The following STK40 variants were observed in gnomAD, a reference collection of about 807,000 sequenced individuals.
STK40 encodes the protein serine/threonine kinase 40, also known as serine/threonine-protein kinase 40.
In STK40, 13 loss-of-function variants were observed where a neutral mutation model predicts 47.9. The ratio of observed to expected loss-of-function variants is 0.27; its 90% confidence interval spans 0.18 to 0.43. STK40 has a LOEUF of 0.43. STK40 is among the 20% of genes least tolerant of loss of function. STK40 has a pLI of 1.00. For missense variants in STK40, 460 were observed against 595.1 expected (o/e 0.77, Z 2.36); for synonymous variants, 225 against 243.2 (o/e 0.93, Z 0.69).
At chr1:36,359,743 C>G (rs1646835609) in intron 2 of STK40, among the ~76,000 whole-genome samples, 1 of 152,236 alleles carries the variant, frequency 6.6e-6, no homozygotes, top group Non-Finnish European at 1.5e-5. Flanking sequence ...CACCCAAACT[C>G]CTTTGTCTGG....
rs372429103 is a variant in STK40, at chr1:36,344,126, A to G, written c.878T>C (p.Ile293Thr). The G allele has an allele frequency of 1.9e-6, 3 of 1,599,882 alleles. No homozygotes were observed. Among genetic ancestry groups the G allele is most frequent in the African/African-American group, 2.7e-5 (2 of 73,180 alleles). Residue 293 changes from isoleucine (I) to threonine (T), a missense_variant, in exon 8 of 11, where the codon ATT becomes ACT. Transcript: ENST00000373132. ...CCCGGGAGGCAGGACTCACTCAGGAATGGTATACTCGGCAGCCTTGATCTT... is the reference window on the plus strand; with the variant it reads ...CCCGGGAGGCAGGACTCACTCAGGAGTGGTATACTCGGCAGCCTTGATCTT... Reference protein sequence around the residue: ...FRKIKAAEYTIPEDGRVSENT... With the variant: ...FRKIKAAEYTTPEDGRVSENT...
At chr1:36,379,408 T>TG (rs1647021224) in intron 1 of STK40, among the ~76,000 whole-genome samples, 1 of 151,564 alleles carries the variant, frequency 6.6e-6, no homozygotes, top group Non-Finnish European at 1.5e-5. Flanking sequence ...CTTTTTTTTT[T>TG]TTTTTTGAAA....
At chr1:36,375,883 G>A (rs1229132147) in intron 1 of STK40, among the ~76,000 whole-genome samples, 1 of 151,926 alleles carries the variant, frequency 6.6e-6, no homozygotes, top group Admixed American at 6.6e-5. Context: ...TTAGCTGGGC[G>A]TGGTGGTGCT....
intron 6 of STK40, among the ~76,000 whole-genome samples, chr1:36,349,545 G>C (rs942385624): frequency 8.5e-5 from 13 of 152,174 alleles, no homozygotes; most frequent in Non-Finnish European, 1.9e-4. Flanking sequence ...ATGTGTCCCT[G>C]GGCAGGGCCC....
intron 7 of STK40, among the ~76,000 whole-genome samples, chr1:36,345,808 G>A (rs947158272): frequency 6.6e-6 from 1 of 151,198 alleles, no homozygotes. Flanking sequence ...CCGAGCCTCT[G>A]TCCTGACCTG....
chr1:36,361,165 T>C lies in STK40; in HGVS notation c.112+56A>G, dbSNP rs933863368. The C allele has an allele frequency of 2.1e-5, 33 of 1,599,580 alleles. No individual in the cohort carries two copies. The Admixed American group carries it at 3.5e-4, about 17-fold the overall frequency. Reference sequence around the variant, plus strand: ...CTGTAGGTCAGATCATGCGAGCCAATGTGCCCTGCCCCTGCCTCCCAGCCC... The same window carrying C: ...CTGTAGGTCAGATCATGCGAGCCAACGTGCCCTGCCCCTGCCTCCCAGCCC... On this transcript the variant is annotated intron_variant, in intron 2 of 10. Transcript: ENST00000373132.
chr1:36,354,336 T>A (rs1364531912), intron 6 of STK40, 28 bp downstream of exon 6: 1 of 1,613,392 alleles, frequency 6.2e-7, no homozygotes. Flanking sequence ...CCGGGGTAAC[T>A]GTATGGATGT....
At chr1:36,366,761 C>T (rs1646905720) in intron 1 of STK40, among the ~76,000 whole-genome samples, 1 of 152,076 alleles carries the variant, frequency 6.6e-6, no homozygotes, top group African/African-American at 2.4e-5. Flanking sequence ...TACTCGGTGC[C>T]CCAGGAACTC....
At chr1:36,359,675 G>A (rs924760574) in intron 2 of STK40, among the ~76,000 whole-genome samples, 1 of 152,220 alleles carries the variant, frequency 6.6e-6, no homozygotes, top group African/African-American at 2.4e-5. Flanking sequence ...AAGCTCCGCT[G>A]CTCTTGGTTT....
chr1:36,349,020 C>T (rs910850305), intron 6 of STK40, among the ~76,000 whole-genome samples: 9 of 152,236 alleles, frequency 5.9e-5, no homozygotes, highest in African/African-American at 2.2e-4. Context: ...TGGCCACCAG[C>T]CGAGCTGTCC....
rs374801708 is a variant in STK40 at position 36,355,292 on chromosome 1, A to G, written c.484T>C (p.Tyr162His). 11 of 1,614,126 alleles carry G rather than the reference A, an allele frequency of 6.8e-6. No individual in the cohort carries two copies. The Admixed American group carries it at 1.0e-4, about 15-fold the overall frequency. Reference sequence around the variant, plus strand: ...CTGAGCCTCTTCTCCTTGATGACGTAGTGCTGCAGGTTGATGAGGTCAGCG... The same window carrying G: ...CTGAGCCTCTTCTCCTTGATGACGTGGTGCTGCAGGTTGATGAGGTCAGCG... ...KTADLINLQH[Y>H]VIKEKRLSER... is the part of the protein sequence containing the mutation. Residue 162 changes from tyrosine (Y) to histidine (H), a missense_variant, in exon 5 of 11, where the codon TAC (tyrosine) becomes CAC (histidine). This residue lies in a region of STK40 where 277 missense variants were observed against 358.7 expected (regional missense o/e 0.77). Coordinates refer to ENST00000373132, the MANE Select transcript of STK40 (RefSeq NM_001282547.2).
chr1:36,345,991 ATT>A (rs143130232), intron 7 of STK40, among the ~76,000 whole-genome samples: 2 of 26,466 alleles, frequency 7.6e-5, no homozygotes, highest in African/African-American at 2.8e-4. Context: ...ATATATATAT[ATT>A]TTTTTTTTTT....
intron 1 of STK40, among the ~76,000 whole-genome samples, chr1:36,367,589 G>A (rs1646913343): frequency 6.6e-6 from 1 of 152,312 alleles, no homozygotes; most frequent in Non-Finnish European, 1.5e-5. Context: ...AGTGTGACCA[G>A]GTCCAGGAAA....
rs2124724529 is a variant in STK40 at position 36,344,220 on chromosome 1, C to T, written c.784G>A (p.Val262Met). 1 of 1,612,890 alleles carries T rather than the reference C, an allele frequency of 6.2e-7. No individual in the cohort carries two copies. The highest frequency in any genetic ancestry group is 8.5e-7 in the Non-Finnish European group (1 of 1,179,590). Reference protein sequence around the residue: ...GKPSDMWALGVVLFTMLYGQF... With the variant: ...GKPSDMWALGMVLFTMLYGQF... ...CCATACAGCATGGTGAAGAGCACCA[C>T]GCCCAGGGCCCACATGTCACTGGGC... Residue 262 changes from valine (V) to methionine (M), a missense_variant, in exon 8 of 11, where the codon GTG (valine) becomes ATG (methionine). Val to Met is a conservative substitution (Grantham distance 21, BLOSUM62 1). Coordinates refer to ENST00000373132, the MANE Select transcript of STK40 (RefSeq NM_001282547.2).
At chr1:36,363,533 G>A (rs770423037) in intron 1 of STK40, among the ~76,000 whole-genome samples, 9 of 151,938 alleles carry the variant, frequency 5.9e-5, no homozygotes, top group Admixed American at 5.9e-4. Context: ...TTAGCCGGGC[G>A]CAGTGGCTCA....
At chr1:36,377,645 T>C (rs747351468) in intron 1 of STK40, among the ~76,000 whole-genome samples, 1 of 151,612 alleles carries the variant, frequency 6.6e-6, no homozygotes, top group Non-Finnish European at 1.5e-5. Context: ...ATAAGTGCCC[T>C]GGATGTGTGA....
rs925732215 is a variant in STK40 at position 36,358,375 on chromosome 1, G to C, written c.206C>G (p.Thr69Ser). Reference sequence around the variant, plus strand: ...GCCTTGGTCCCCCCTCTCCTCCAGGGTCAGGATCTTTAGGAAAGCATAAAA... The same window carrying C: ...GCCTTGGTCCCCCCTCTCCTCCAGGCTCAGGATCTTTAGGAAAGCATAAAA... ...TDDFYQLKIL[T>S]LEERGDQGIE... Residue 69 changes from threonine (T) to serine (S), a missense_variant, in exon 4 of 11, where the codon ACC becomes AGC. Thr to Ser is a moderately conservative substitution (Grantham distance 58). This residue lies in a region of STK40 where 277 missense variants were observed against 358.7 expected (regional missense o/e 0.77). Coordinates refer to ENST00000373132, the MANE Select transcript of STK40 (RefSeq NM_001282547.2). 6.3e-7 allele frequency: 1 copy of C among 1,596,098 alleles called. No individual in the cohort carries two copies. The highest frequency in any genetic ancestry group is 1.3e-5 in the African/African-American group (1 of 74,510).
At position 36,355,356 on chromosome 1, in the gene STK40, G is replaced by A; in HGVS notation, c.420C>T (p.Val140=). Residue 140 remains valine (V), a synonymous_variant, in exon 5 of 11, where the codon GTC becomes GTT. Transcript: ENST00000373132. The stretch of plus-strand genomic sequence containing the variant: ...AGTCATGAGCACAGAGGCAGTCCAG[G>A]ACGAGGCAGATGCGCTTCTTCATCT... ...VKKMKKRICL[V]LDCLCAHDFS... The A allele has an allele frequency of 1.9e-6, 3 of 1,614,198 alleles. No individual in the cohort carries two copies. In the South Asian group the frequency reaches 3.3e-5, roughly 18 times the overall value.
At chr1:36,364,132 C>G (rs935758295) in intron 1 of STK40, among the ~76,000 whole-genome samples, 1 of 152,122 alleles carries the variant, frequency 6.6e-6, no homozygotes. Context: ...GCCTGGGTGA[C>G]AGAGCAAGAC....
Sources: gnomAD v4.1 joint callset for allele counts (sites outside exome capture counted in the v4.1 genomes callset) on GRCh38, gnomAD v4.1.1 for gene constraint, gnomAD v4.1.1 regional missense constraint, MANE v1.5 for transcripts, NCBI Gene and HGNC (gene_info 2026-07-23, HGNC 2026-07-21) for gene names.